EYA4: variants seen among roughly 807,000 people sequenced by gnomAD.
The protein encoded by EYA4 is EYA transcriptional coactivator and phosphatase 4.
In EYA4, 31 loss-of-function variants were observed where a neutral mutation model predicts 87.9. The ratio of observed to expected loss-of-function variants is 0.35; its 90% CI spans 0.27 to 0.48. The LOEUF (loss-of-function observed/expected upper bound fraction) is 0.48. EYA4 is among the 20% of genes least tolerant of loss of function. The pLI is 0.99. For missense variants in EYA4, 678 were observed against 761.4 expected, an observed-to-expected ratio of 0.89 and a Z score of 1.29; for synonymous variants, 263 against 270.6, an observed-to-expected ratio of 0.97 and a Z score of 0.28.
At position 133,483,091 on chromosome 6, in the gene EYA4, G is replaced by C; in HGVS notation, c.1167G>C (p.Gly389=). The part of the protein sequence containing the change: ...TIIVFHSLLT[G]SYAQKYGKDP... ...TTGTTTTTCACTCACTGCTCACCGG[G>C]TCTTATGCACAGAAGTATGGCAAGG... The change falls in exon 13 of 20, where the codon GGG becomes GGC. Residue 389 remains glycine, a synonymous_variant. Transcript: ENST00000355286. 1 of 1,612,776 alleles carries C rather than the reference G, an allele frequency of 6.2e-7. No homozygotes were observed. Among genetic ancestry groups the C allele is most frequent in the Non-Finnish European group, 8.5e-7 (1 of 1,179,120 alleles).
chr6:133,257,151 C>T (rs562832179), intron 1 of EYA4, among the ~76,000 whole-genome samples: 5 of 152,294 alleles, frequency 3.3e-5, no homozygotes, highest in Admixed American at 6.5e-5. Flanking sequence ...AGTTAAAACA[C>T]TCTTAAATTG....
At chr6:133,326,626 C>G (rs1781517812) in intron 2 of EYA4, among the ~76,000 whole-genome samples, 2 of 152,232 alleles carry the variant, frequency 1.3e-5, no homozygotes, top group South Asian at 4.1e-4. Flanking sequence ...AACTGGCAAA[C>G]TGGACCCTCC....
At chr6:133,242,314 C>T (rs1256084811) in intron 1 of EYA4, among the ~76,000 whole-genome samples, 3 of 152,328 alleles carry the variant, frequency 2.0e-5, no homozygotes, top group South Asian at 4.1e-4. Flanking sequence ...AGGCACTGAT[C>T]GGGCTTTTCA....
At chr6:133,339,112 C>T (rs1451788482) in intron 2 of EYA4, among the ~76,000 whole-genome samples, 1 of 152,124 alleles carries the variant, frequency 6.6e-6, no homozygotes, top group Non-Finnish European at 1.5e-5. Context: ...TATGTCTCTA[C>T]ATAAGTTATT....
intron 2 of EYA4, among the ~76,000 whole-genome samples, chr6:133,356,024 G>A (rs961900437): frequency 4.1e-5 from 6 of 146,882 alleles, no homozygotes; most frequent in Non-Finnish European, 8.9e-5. Flanking sequence ...GGGGTTAGGG[G>A]TGGGGAGAGA....
At chr6:133,512,585 G>T in intron 14 of EYA4, 136 bp from the exon 15 acceptor site, 1 of 750,230 alleles carries the variant, frequency 1.3e-6, no homozygotes, top group Non-Finnish European at 2.4e-6. Context: ...GAAAACAAGA[G>T]TGAGGCAATG....
chr6:133,363,279 C>T (rs1425915425), intron 2 of EYA4: 1 of 152,136 alleles, frequency 6.6e-6, no homozygotes, highest in African/African-American at 2.4e-5. Context: ...CCTTTGGGGC[C>T]CCACAACCCT....
In EYA4 at chr6:133,267,097, C is replaced by G. The variant is rs536469517; in HGVS notation, c.-65-7619C>G. 3.9e-4 allele frequency among the ~76,000 whole-genome samples: 59 copies of G among 152,166 alleles called. 1 individual carries two copies. The highest frequency in any genetic ancestry group is 7.5e-4 in the Non-Finnish European group (51 of 68,026). On this transcript the variant is annotated intron_variant, in intron 1 of 19. Transcript: ENST00000355286. The stretch of plus-strand genomic sequence containing the variant: ...AGTCTACCATGAAAATTCATTTTCA[C>G]TATCTGCTGTAGTTTTACCTGATCC...
intron 3 of EYA4, among the ~76,000 whole-genome samples, chr6:133,438,461 A>T (rs1461746485): frequency 6.7e-6 from 1 of 149,640 alleles, no homozygotes; most frequent in Non-Finnish European, 1.5e-5. Context: ...GGCTTCAGTG[A>T]TATCATTAAG....
intron 1 of EYA4, among the ~76,000 whole-genome samples, chr6:133,265,418 A>G (rs1339893247): frequency 6.6e-6 from 1 of 152,118 alleles, no homozygotes; most frequent in East Asian, 1.9e-4. Flanking sequence ...AACAGCATGC[A>G]GTTACTGTTA....
rs1305457611 is a variant in EYA4, at chr6:133,412,638, A to G, written c.83+30197A>G. Among the ~76,000 whole-genome samples the G allele has an allele frequency of 6.6e-5, 10 of 152,144 alleles. No homozygotes were observed. The South Asian group carries it at 8.3e-4, about 13-fold the overall frequency. ...CATTCGTTTTTGTTTTGTGGCCCTA[A>G]TGTTGAGTGAGACCTCATTAAGATG... On this transcript the variant is annotated intron_variant, in intron 3 of 19. Transcript: ENST00000355286.
chr6:133,269,266 C>T (rs1049112526), intron 1 of EYA4, among the ~76,000 whole-genome samples: 4 of 152,074 alleles, frequency 2.6e-5, no homozygotes, highest in African/African-American at 7.2e-5. Context: ...CTCAAAGACA[C>T]AAAACAAACA....
chr6:133,255,039 G>A (rs1324780069), intron 1 of EYA4, among the ~76,000 whole-genome samples: 1 of 152,190 alleles, frequency 6.6e-6, no homozygotes, highest in Non-Finnish European at 1.5e-5. Context: ...GTAAGCCATA[G>A]TTCCAGCATG....
chr6:133,305,567 T>C (rs1361556217), intron 2 of EYA4, among the ~76,000 whole-genome samples: 1 of 152,240 alleles, frequency 6.6e-6, no homozygotes, highest in African/African-American at 2.4e-5. Context: ...TTTAATTCTT[T>C]TTTAATCTTT....
At position 133,464,800 on chromosome 6, in the gene EYA4, C is replaced by T. The variant is rs777329932; in HGVS notation, c.746C>T (p.Ser249Phe). The T allele has an allele frequency of 6.2e-7, 1 of 1,609,030 alleles. No individual in the cohort carries two copies. The highest frequency in any genetic ancestry group is 8.5e-7 in the Non-Finnish European group (1 of 1,176,116). ...QMPGSSFAPS[S>F]TIYANNSVSN... ...CTAGGTTCTAGTTTTGCACCATCAT[C>T]TACTATTTATGCAAATAATTCAGTT... The change falls in exon 10 of 20, where the codon TCT becomes TTT. Residue 249 changes from serine (S) to phenylalanine (F), a missense_variant. Physicochemically the swap from Ser to Phe is radical, Grantham distance 155. Coordinates refer to ENST00000355286, the MANE Select transcript of EYA4 (RefSeq NM_004100.5).
rs538711458 is a variant in EYA4, at chr6:133,269,285, G to A, written c.-65-5431G>A. Among the ~76,000 whole-genome samples, 44 of 152,102 alleles carry A rather than the reference G, an allele frequency of 2.9e-4. No homozygotes were observed. The East Asian group carries it at 8.2e-3, about 28-fold the overall frequency. Reference sequence around the variant, plus strand: ...AAGACACAAAACAAACAAAAAAACCGAATGTGTACTGCATCAACTTTCAGT... The same window carrying A: ...AAGACACAAAACAAACAAAAAAACCAAATGTGTACTGCATCAACTTTCAGT... On this transcript the variant is annotated intron_variant, in intron 1 of 19. Transcript: ENST00000355286.
chr6:133,244,439 G>A (rs973809665), intron 1 of EYA4, among the ~76,000 whole-genome samples: 1 of 151,912 alleles, frequency 6.6e-6, no homozygotes, highest in African/African-American at 2.4e-5. Context: ...TGTATAAAAA[G>A]GAGTGATTGT....
At chr6:133,516,637 T>C (rs1799623290) in intron 17 of EYA4, among the ~76,000 whole-genome samples, 1 of 149,514 alleles carries the variant, frequency 6.7e-6, no homozygotes, top group South Asian at 2.1e-4. Context: ...GGCAGGAGAG[T>C]TGCTTGAACC....
At position 133,506,215 on chromosome 6, in the gene EYA4, C is replaced by A; in HGVS notation, c.1281+20C>A. 1 of 1,370,882 alleles carries A rather than the reference C, an allele frequency of 7.3e-7. No individual in the cohort carries two copies. Among genetic ancestry groups the A allele is most frequent in the Non-Finnish European group, 1.0e-6 (1 of 958,714 alleles). 84.9% of individuals were successfully genotyped at this position (1,370,882 alleles called of 1,614,324 possible). On this transcript the variant is annotated intron_variant, in intron 14 of 19. Coordinates refer to ENST00000355286, the MANE Select transcript of EYA4 (RefSeq NM_004100.5). ...TTAGAGGTAAGAATTTTACAAGGTA[C>A]AAATAGTTGTATCCAACACCAGACC...
Sources: gnomAD v4.1 joint callset for allele counts (sites outside exome capture counted in the v4.1 genomes callset) on GRCh38, gnomAD v4.1.1 for gene constraint, MANE v1.5 for transcripts, NCBI Gene and HGNC (gene_info 2026-07-23, HGNC 2026-07-21) for gene names.